The following SPDYE2 variants were observed in gnomAD, a reference collection of about 807,000 sequenced individuals.
SPDYE2 encodes the protein speedy/RINGO cell cycle regulator family member E2.
For synonymous variants in SPDYE2, 2 were observed against 45.1 expected, an observed-to-expected ratio of 0.04 and a Z score of 3.83; for missense variants, 1 against 121.0, an observed-to-expected ratio of 0.01 and a Z score of 4.65.
intron 3 of SPDYE2, among the ~76,000 whole-genome samples, chr7:102,554,884 C>A (rs1353394070): frequency 1.7e-5 from 2 of 116,906 alleles, no homozygotes; most frequent in African/African-American, 5.8e-5. Flanking sequence ...GACTTTGAGG[C>A]TGCAGTGAGC....
At chr7:102,555,637 A>C (rs775966184) in intron 3 of SPDYE2, among the ~76,000 whole-genome samples, 1,574 of 84,668 alleles carry the variant, frequency 0.019, no homozygotes, top group Middle Eastern at 0.094. Flanking sequence ...CAACAACAAA[A>C]AAAAAAAAAA....
intron 5 of SPDYE2, 121 bp downstream of exon 5, chr7:102,557,343 T>A: frequency 1.8e-6 from 1 of 570,186 alleles, no homozygotes; most frequent in East Asian, 5.2e-5. Context: ...AGTCTTTTTT[T>A]TTTTTTTTTG....
At chr7:102,563,050 A>T (rs1182419703) in exon 9 of SPDYE2, 1 of 149,174 alleles carries the variant, frequency 6.7e-6, no homozygotes, top group Non-Finnish European at 1.5e-5. Context: ...TATTACTTTA[A>T]ATATTATTTT....
chr7:102,565,017 C>A (rs1165084007), downstream of SPDYE2: 1 of 124,226 alleles, frequency 8.0e-6, no homozygotes, highest in African/African-American at 2.6e-5. Context: ...GATGTCAACT[C>A]CCTGATGTTA....
chr7:102,555,040 C>T (rs1459086045), intron 3 of SPDYE2, among the ~76,000 whole-genome samples: 1 of 136,968 alleles, frequency 7.3e-6, no homozygotes, highest in African/African-American at 2.7e-5. Flanking sequence ...GTCAGTTGTT[C>T]GAGACCAACC....
At chr7:102,563,077 C>T (rs1328918269) in exon 9 of SPDYE2, 3 of 148,452 alleles carry the variant, frequency 2.0e-5, no homozygotes, top group African/African-American at 4.9e-5. Context: ...TTTGGAAATA[C>T]TGGTATTTTT....
At chr7:102,554,814 G>C (rs1487008800) in intron 3 of SPDYE2, among the ~76,000 whole-genome samples, 2 of 111,948 alleles carry the variant, frequency 1.8e-5, no homozygotes, top group Non-Finnish European at 4.3e-5. Context: ...AGGTGCAGTG[G>C]CTCATGCCTG....
At position 102,557,351 on chromosome 7, in the gene SPDYE2, T is replaced by TTTTGTGTGTG. The variant is rs1307889544; in HGVS notation, c.669+130_669+131insTTGTGTGTGT. On this transcript the variant is annotated intron_variant, in intron 5 of 8. Transcript: ENST00000507918. Reference sequence around the variant, plus strand: ...CTCCTACAGTCTTTTTTTTTTTTTTTTGTGTGTGTGTGTGTGTGTGTGTGT... The same window carrying TTTTGTGTGTG: ...CTCCTACAGTCTTTTTTTTTTTTTTTTTTGTGTGTGTGTGTGTGTGTGTGTGTGTGTGTGT... 28 of 680,902 alleles carry TTTTGTGTGTG rather than the reference T, an allele frequency of 4.1e-5. No homozygotes were observed. In the African/African-American group the frequency reaches 7.7e-4, roughly 19 times the overall value. 42.2% of individuals were successfully genotyped at this position (680,902 alleles called of 1,614,324 possible).
chr7:102,554,736 G>C (rs1256714821), intron 3 of SPDYE2, among the ~76,000 whole-genome samples, 159 bp downstream of exon 3: 24 of 133,646 alleles, frequency 1.8e-4, no homozygotes, highest in East Asian at 1.7e-3. Context: ...ACACTTAGGA[G>C]ACGATAGAAG....
At chr7:102,553,642 C>G (rs1357231944) in intron 2 of SPDYE2, among the ~76,000 whole-genome samples, 1 of 50,076 alleles carries the variant, frequency 2.0e-5, no homozygotes, top group African/African-American at 3.8e-5. Context: ...GTAATCCCAG[C>G]TACTCAGGAG....
chr7:102,554,749 T>G (rs908732711), intron 3 of SPDYE2, among the ~76,000 whole-genome samples, 172 bp downstream of exon 3: 1 of 132,590 alleles, frequency 7.5e-6, no homozygotes, highest in African/African-American at 2.7e-5. Flanking sequence ...GATAGAAGAC[T>G]AGGCTAGACT....
rs1800732472 is a variant in SPDYE2, at chr7:102,555,011, G to C, written c.379+434G>C. Among the ~76,000 whole-genome samples, 6 of 135,328 alleles carry C rather than the reference G, an allele frequency of 4.4e-5. No homozygotes were observed. The South Asian group carries it at 1.4e-3, about 31-fold the overall frequency. 88.8% of individuals were successfully genotyped at this position (135,328 alleles called of 152,430 possible). A position where few individuals can be genotyped will look rare whatever the true frequency, so the allele number is the denominator to read the frequency against. ...TAATCCCATTACTTTGGGAGGCTGA[G>C]ATGGGTGGATCACTTGAGGTCAGTT... On this transcript the variant is annotated intron_variant, in intron 3 of 8. Coordinates refer to ENST00000507918, the Ensembl canonical transcript of SPDYE2.
chr7:102,555,068 C>T (rs1219469866), intron 3 of SPDYE2, among the ~76,000 whole-genome samples: 2 of 141,574 alleles, frequency 1.4e-5, no homozygotes, highest in Non-Finnish European at 3.1e-5. Flanking sequence ...TATAGCGAAA[C>T]CTCATTTATA....
intron 3 of SPDYE2, among the ~76,000 whole-genome samples, chr7:102,555,296 CAT>C (rs1312921712): frequency 1.6e-5 from 2 of 123,290 alleles, no homozygotes; most frequent in Non-Finnish European, 3.4e-5. Context: ...GGAAGGAGCA[CAT>C]GAGGAGGGTG....
At chr7:102,551,420 G>GGA (rs58225114) in intron 1 of SPDYE2, 132 bp downstream of exon 1, 41 of 145,450 alleles carry the variant, frequency 2.8e-4, no homozygotes, top group African/African-American at 8.7e-4. Context: ...CTGTTAACTA[G>GGA]GAGAGAGAGA....
chr7:102,557,407 G>T (rs1800835506), intron 5 of SPDYE2, among the ~76,000 whole-genome samples, 185 bp downstream of exon 5: 1 of 135,562 alleles, frequency 7.4e-6, no homozygotes, highest in Admixed American at 7.8e-5. Flanking sequence ...CTGTTGCCCA[G>T]GCTGGAGGGC....
chr7:102,559,785 T>G (rs1216322453), intron 6 of SPDYE2, among the ~76,000 whole-genome samples: 2 of 17,368 alleles, frequency 1.2e-4, no homozygotes, highest in African/African-American at 3.4e-4. Flanking sequence ...GTATTCAATT[T>G]CTTTTATTTT....
downstream of SPDYE2, chr7:102,563,645 T>C (rs1211050606): frequency 0.02 from 317 of 15,612 alleles, no homozygotes; most frequent in African/African-American, 0.065. Context: ...CCTGTGCTGT[T>C]TTTTATGTAG....
intron 3 of SPDYE2, among the ~76,000 whole-genome samples, chr7:102,555,630 CAACAAAA>C (rs1234418581): frequency 1.1e-4 from 6 of 56,196 alleles, no homozygotes; most frequent in African/African-American, 2.5e-4. Context: ...ACAACAACAA[CAACAAAA>C]AAAAAAAAAA....
Sources: allele counts gnomAD v4.1 joint callset (sites outside exome capture counted in the v4.1 genomes callset), GRCh38; gene constraint gnomAD v4.1.1; transcripts MANE v1.5; gene names NCBI Gene and HGNC (gene_info 2026-07-23, HGNC 2026-07-21).